KLK15: variants seen among roughly 807,000 people sequenced by gnomAD.
KLK15 encodes kallikrein-15.
In KLK15, 19 loss-of-function variants were observed where a neutral mutation model predicts 21.1. The observed-to-expected ratio is 0.90, with a 90% CI of 0.63 to 1.32. The LOEUF is 1.32. KLK15 is among the 40% of genes most tolerant of loss of function. The pLI is 0.00. For synonymous variants in KLK15, 141 were observed against 141.5 expected (o/e 1.00, Z 0.03); for missense variants, 345 against 348.6 (o/e 0.99, Z 0.08).
chr19:50,831,518 T>C, exon 1 of KLK15: 1 of 1,457,900 alleles, frequency 6.9e-7, no homozygotes, highest in Non-Finnish European at 9.0e-7. Flanking sequence ...AGGGTTCGGC[T>C]GCAGTCTGGG....
chr19:50,825,691 C>G, downstream of KLK15: 1 of 1,183,408 alleles, frequency 8.5e-7, no homozygotes, highest in Non-Finnish European at 1.2e-6. Flanking sequence ...GGGCCTTGGA[C>G]AGGGTCTTGG....
At position 50,829,154 on chromosome 19, in the gene KLK15, C is replaced by T. The variant is rs536227933; in HGVS notation, c.44-1339G>A. On this transcript the variant is annotated intron_variant, in intron 1 of 4. Transcript: ENST00000598239. ...GTGTGAGTCTTGGCATCCAGTGTCACAGACACTTGCATACAGGGTCTGGAC... is the reference window on the plus strand; with the variant it reads ...GTGTGAGTCTTGGCATCCAGTGTCATAGACACTTGCATACAGGGTCTGGAC... Among the ~76,000 whole-genome samples, 5 of 151,518 alleles carry T rather than the reference C, an allele frequency of 3.3e-5. No homozygotes were observed. The South Asian group carries it at 1.0e-3, about 32-fold the overall frequency.
At chr19:50,830,183 A>C (rs1347419049) in intron 1 of KLK15, among the ~76,000 whole-genome samples, 1 of 151,452 alleles carries the variant, frequency 6.6e-6, no homozygotes, top group African/African-American at 2.4e-5. Context: ...ACACACACAC[A>C]CACAGAATGG....
At chr19:50,833,407 G>A (rs538468068), upstream of KLK15, among the ~76,000 whole-genome samples, 3 of 152,274 alleles carry the variant, frequency 2.0e-5, no homozygotes, top group South Asian at 2.1e-4. Flanking sequence ...TAAAGGACAC[G>A]TGGATCTACC....
exon 4 of KLK15, chr19:50,826,654 T>C (rs767909790): frequency 1.9e-6 from 3 of 1,611,428 alleles, no homozygotes; most frequent in Non-Finnish European, 1.7e-6. Flanking sequence ...CCTCCGCGCC[T>C]GCACACACCA....
intron 2 of KLK15, 32 bp from the exon 4 acceptor site, chr19:50,827,193 A>G: frequency 6.5e-7 from 1 of 1,549,150 alleles, no homozygotes; most frequent in Non-Finnish European, 8.7e-7. Flanking sequence ...CCGCCAGTGG[A>G]GTGCGGGCCA....
At chr19:50,830,937 C>A (rs558120863) in intron 1 of KLK15, among the ~76,000 whole-genome samples, 6 of 152,304 alleles carry the variant, frequency 3.9e-5, no homozygotes, top group African/African-American at 1.4e-4. Context: ...TCACACACAA[C>A]CACATTTAAT....
intron 4 of KLK15, 68 bp from the exon 6 acceptor site, chr19:50,826,016 T>G (rs3212808): frequency 0.038 from 56,339 of 1,482,884 alleles, 1,277 homozygotes; most frequent in African/African-American, 0.091. Flanking sequence ...CTAATCACCA[T>G]TTGCAATCTC....
At chr19:50,830,103 G>A (rs1387679174) in intron 1 of KLK15, among the ~76,000 whole-genome samples, 1 of 151,454 alleles carries the variant, frequency 6.6e-6, no homozygotes, top group Admixed American at 6.6e-5. Flanking sequence ...TCTGGCTCAT[G>A]CATGTGGAGA....
chr19:50,827,946 T>TC, intron 1 of KLK15, 131 bp from the exon 3 acceptor site: 1 of 717,900 alleles, frequency 1.4e-6, no homozygotes. Context: ...CTGCCCTGTT[T>TC]TTGTTTGTTG....
intron 3 of KLK15, 58 bp downstream of exon 4, chr19:50,826,820 G>C (rs754366831): frequency 2.9e-5 from 45 of 1,567,530 alleles, no homozygotes; most frequent in Non-Finnish European, 3.8e-5. Context: ...CTCCGCCCAA[G>C]AGCCCTGGAG....
chr19:50,825,888 C>T, exon 5 of KLK15: 2 of 1,614,028 alleles, frequency 1.2e-6, no homozygotes, highest in Non-Finnish European at 1.7e-6. Context: ...CAAGGGACGT[C>T]ACCCCAGGAC....
chr19:50,829,952 C>G (rs1380597519), intron 1 of KLK15, among the ~76,000 whole-genome samples: 1 of 151,682 alleles, frequency 6.6e-6, no homozygotes, highest in East Asian at 1.9e-4. Context: ...TGGGGCAGCA[C>G]CCAGACACGG....
downstream of KLK15, chr19:50,825,385 C>A (rs1162104947): frequency 6.3e-6 from 1 of 159,000 alleles, no homozygotes; most frequent in Admixed American, 6.3e-5. Context: ...TCTCATTTTA[C>A]AGATAAGGAA....
exon 4 of KLK15, chr19:50,826,721 C>A: frequency 6.2e-7 from 1 of 1,614,050 alleles, no homozygotes; most frequent in Non-Finnish European, 8.5e-7. Flanking sequence ...CGAGATAATG[C>A]TGATGTTGGC....
At chr19:50,832,317 T>C (rs1049513292), upstream of KLK15, among the ~76,000 whole-genome samples, 2 of 99,296 alleles carry the variant, frequency 2.0e-5, no homozygotes, top group African/African-American at 6.7e-5. Flanking sequence ...TCTTTCTTTT[T>C]TTTTCTTTTT....
chr19:50,829,520 G>A (rs150725583), intron 1 of KLK15, among the ~76,000 whole-genome samples: 1,684 of 151,916 alleles, frequency 0.011, 58 homozygotes, highest in African/African-American at 0.039. Context: ...GCCAGGTGTG[G>A]TGGCTCACGC....
At chr19:50,832,322 C>CTTTCTTTTTTTTT (rs1555766936), upstream of KLK15, among the ~76,000 whole-genome samples, 1 of 109,438 alleles carries the variant, frequency 9.1e-6, no homozygotes, top group Non-Finnish European at 1.9e-5. Flanking sequence ...CTTTTTTTTT[C>CTTTCTTTTTTTTT]TTTTTTTTTT....
At chr19:50,832,332 T>TC (rs957885456), upstream of KLK15, among the ~76,000 whole-genome samples, 1 of 147,620 alleles carries the variant, frequency 6.8e-6, no homozygotes, top group Non-Finnish European at 1.5e-5. Flanking sequence ...CTTTTTTTTT[T>TC]TTTTTTTTGA....
Sources: allele counts gnomAD v4.1 joint callset (sites outside exome capture counted in the v4.1 genomes callset), GRCh38; gene constraint gnomAD v4.1.1; transcripts MANE v1.5; gene names NCBI Gene and HGNC (gene_info 2026-07-23, HGNC 2026-07-21).